EML6: variants seen among roughly 807,000 people sequenced by gnomAD.
EML6 encodes the protein echinoderm microtubule-associated protein-like 6.
A neutral mutation model predicts 240.1 loss-of-function variants in EML6; 154 were observed. The ratio of observed to expected loss-of-function variants is 0.64; its 90% CI spans 0.56 to 0.73. The LOEUF (loss-of-function observed/expected upper bound fraction) is 0.73. EML6 is among the 30% of genes least tolerant of loss of function. The pLI, the probability that EML6 is intolerant of heterozygous loss-of-function variation, is 0.00. For synonymous variants in EML6, 1,148 were observed against 899.0 expected (o/e 1.28, Z -4.95); for missense variants, 2,964 against 2,474.6 (o/e 1.20, Z -4.20).
chr2:54,847,506 A>G lies in EML6; in HGVS notation c.1070A>G (p.His357Arg), dbSNP rs960358777. Residue 357 changes from histidine to arginine, a missense_variant, in exon 9 of 42, where the codon CAT (histidine) becomes CGT (arginine). Transcript: ENST00000356458. ...CCTAGGCTGTGGAGCCTGGCTGATC[A>G]TGCCTTGATCGCCCGCTGTAACATG... ...RSVRLWSLAD[H>R]ALIARCNMEE... is the part of the protein sequence containing the mutation. 9.0e-6 allele frequency: 14 copies of G among 1,551,628 alleles called. No individual in the cohort carries two copies. The highest frequency in any genetic ancestry group is 6.9e-5 in the African/African-American group (5 of 72,984).
At chr2:54,879,442 ATATT>A (rs1671701801) in intron 16 of EML6, 101 bp from the exon 17 acceptor site, 1 of 737,946 alleles carries the variant, frequency 1.4e-6, no homozygotes. Context: ...ATCACCTCAA[ATATT>A]TATCAGTTCT....
intron 28 of EML6, among the ~76,000 whole-genome samples, chr2:54,931,302 G>A (rs892751283): frequency 6.6e-6 from 1 of 152,196 alleles, no homozygotes; most frequent in Non-Finnish European, 1.5e-5. Flanking sequence ...TGCCAGGCAA[G>A]GCAGGGCATT....
intron 2 of EML6, among the ~76,000 whole-genome samples, chr2:54,795,847 C>A (rs1669737661): frequency 6.6e-6 from 1 of 152,132 alleles, no homozygotes; most frequent in East Asian, 1.9e-4. Context: ...TATTAGGCAG[C>A]TACATCTTAA....
intron 17 of EML6, 83 bp downstream of exon 17, chr2:54,879,723 T>G (rs1671718025): frequency 4.7e-6 from 4 of 858,884 alleles, no homozygotes; most frequent in Non-Finnish European, 7.4e-6. Flanking sequence ...CTGGTAAGAT[T>G]TCATCTTCAA....
At position 54,816,900 on chromosome 2, in the gene EML6, G is replaced by T; in HGVS notation, c.456+15G>T. Reference sequence around the variant, plus strand: ...ATTCTGACAGGGTAAGAACTTGTTGGATCAAGCTATGCAGATTTCAGAACT... The same window carrying T: ...ATTCTGACAGGGTAAGAACTTGTTGTATCAAGCTATGCAGATTTCAGAACT... On this transcript the variant is annotated intron_variant, in intron 4 of 41. Coordinates refer to ENST00000356458, the MANE Select transcript of EML6 (RefSeq NM_001039753.4). The T allele has an allele frequency of 6.5e-7, 1 of 1,527,392 alleles. No homozygotes were observed. Among genetic ancestry groups the T allele is most frequent in the Non-Finnish European group, 8.9e-7 (1 of 1,124,900 alleles). The allele number at this position is 1,527,392 out of a possible 1,614,324, so 94.6% of individuals were successfully genotyped here.
intron 17 of EML6, chr2:54,881,306 C>G (rs1045384948): frequency 6.6e-5 from 10 of 152,012 alleles, no homozygotes; most frequent in African/African-American, 1.9e-4. Flanking sequence ...GAAATTTAGA[C>G]AAATAAATAA....
In EML6 at chr2:54,871,604, A is replaced by G. The variant is rs1465178847; in HGVS notation, c.2343A>G (p.Ser781=). ...HQRGVCALDF[S]ADGKCLVSVG... Reference sequence around the variant, plus strand: ...GAGGAGTGTGTGCACTTGATTTTTCAGGTAAGGTCCAGAGTGATTGACACA... The same window carrying G: ...GAGGAGTGTGTGCACTTGATTTTTCGGGTAAGGTCCAGAGTGATTGACACA... Residue 781 remains serine (S), a splice_region_variant and synonymous_variant, in exon 16 of 42, where the codon TCA becomes TCG. Transcript: ENST00000356458. The G allele has an allele frequency of 1.0e-5, 16 of 1,547,148 alleles. No individual in the cohort carries two copies. The highest frequency in any genetic ancestry group is 1.4e-5 in the Non-Finnish European group (16 of 1,142,892).
chr2:54,910,947 G>GTAACA lies in EML6; in HGVS notation c.3410-6_3410-2dup. On this transcript the variant is annotated splice_region_variant and splice_polypyrimidine_tract_variant and intron_variant, in intron 24 of 41. Coordinates refer to ENST00000356458, the MANE Select transcript of EML6 (RefSeq NM_001039753.4). ...AATTATCTCTCTACTTCGTTCTGTCGTAACAGGAAAATTATTGCAAGTGAA... is the reference window on the plus strand; with the variant it reads ...AATTATCTCTCTACTTCGTTCTGTCGTAACATAACAGGAAAATTATTGCAAGTGAA... 3 of 1,506,928 alleles carry GTAACA rather than the reference G, an allele frequency of 2.0e-6. No homozygotes were observed. The South Asian group carries it at 3.7e-5, about 19-fold the overall frequency. 93.3% of individuals were successfully genotyped at this position (1,506,928 alleles called of 1,614,324 possible).
rs538129266 is a variant in EML6, at chr2:54,870,806, C to T, written c.2239-694C>T. 9.8e-5 allele frequency among the ~76,000 whole-genome samples: 15 copies of T among 152,302 alleles called. No individual in the cohort carries two copies. The South Asian group carries it at 2.9e-3, about 29-fold the overall frequency. On this transcript the variant is annotated intron_variant, in intron 15 of 41. Transcript: ENST00000356458. ...CCACCTGCAGGAGACTGGGCCTCCA[C>T]AGACCTCTGTAGGAGTGGCCTGGAT...
chr2:54,814,552 C>T (rs1200638996), intron 3 of EML6, among the ~76,000 whole-genome samples: 1 of 152,198 alleles, frequency 6.6e-6, no homozygotes, highest in East Asian at 1.9e-4. Context: ...CTCTCTCACC[C>T]TGCGTGTTTC....
rs1434895451 is a variant in EML6 at position 54,971,649 on chromosome 2, T to C, written c.*1554T>C. On this transcript the variant is annotated 3_prime_UTR_variant, in exon 42 of 42. Transcript: ENST00000356458. ...CACTAATAGGTTGTTGGGCCCGCAG[T>C]AGAGTCCCTATGCAGTCCCAATTCT... is the stretch of plus-strand genomic sequence containing the variant. 2 of 152,246 alleles carry C rather than the reference T, an allele frequency of 1.3e-5. No individual in the cohort carries two copies. Among genetic ancestry groups the C allele is most frequent in the African/African-American group, 2.4e-5 (1 of 41,466 alleles). 9.4% of individuals were successfully genotyped at this position (152,246 alleles called of 1,614,324 possible).
chr2:54,889,655 T>C (rs1411274849), intron 17 of EML6, among the ~76,000 whole-genome samples: 3 of 152,160 alleles, frequency 2.0e-5, no homozygotes, highest in African/African-American at 7.2e-5. Flanking sequence ...TTTACTAAAA[T>C]GTCTTATTTG....
intron 2 of EML6, among the ~76,000 whole-genome samples, chr2:54,739,694 C>T (rs1252024089): frequency 6.6e-6 from 1 of 152,218 alleles, no homozygotes; most frequent in Non-Finnish European, 1.5e-5. Context: ...GTGTGAGAGC[C>T]TCAGGACATA....
chr2:54,958,637 T>C (rs1269167397), intron 33 of EML6, among the ~76,000 whole-genome samples: 1 of 152,196 alleles, frequency 6.6e-6, no homozygotes, highest in Non-Finnish European at 1.5e-5. Context: ...ATCCTTTTTC[T>C]TACCAGCCCT....
chr2:54,915,654 T>G (rs974271675), intron 25 of EML6, among the ~76,000 whole-genome samples: 2 of 152,166 alleles, frequency 1.3e-5, no homozygotes, highest in African/African-American at 4.8e-5. Flanking sequence ...GACTAACAAA[T>G]GTATAGCACC....
chr2:54,885,366 G>C (rs1473874761), intron 17 of EML6, among the ~76,000 whole-genome samples: 4 of 151,898 alleles, frequency 2.6e-5, no homozygotes, highest in Admixed American at 2.6e-4. Flanking sequence ...AGAATCACTT[G>C]AACCCGGGAG....
intron 2 of EML6, among the ~76,000 whole-genome samples, chr2:54,806,639 A>AG (rs1670505370): frequency 7.6e-6 from 1 of 131,888 alleles, no homozygotes; most frequent in Non-Finnish European, 1.6e-5. Flanking sequence ...AAAAAAAAAA[A>AG]AAAAAGAATG....
At chr2:54,833,906 C>G (rs1237420375) in intron 7 of EML6, among the ~76,000 whole-genome samples, 1 of 152,164 alleles carries the variant, frequency 6.6e-6, no homozygotes, top group Admixed American at 6.5e-5. Flanking sequence ...CAAAACTTGA[C>G]CTGATATGAG....
rs1460431038 is a variant in EML6, at chr2:54,869,246, T to C, written c.2117T>C (p.Ile706Thr). ...YTQAGEVVYH[I>T]AAVAVVYNRQ... ...CAAGCTGGAGAAGTAGTCTACCACA[T>C]TGCTGCAGTTGCTGTCGTGTATAAT... The change falls in exon 15 of 42, where the codon ATT becomes ACT. Residue 706 changes from isoleucine (I) to threonine (T), a missense_variant. Coordinates refer to ENST00000356458, the MANE Select transcript of EML6 (RefSeq NM_001039753.4). 1.9e-6 allele frequency: 3 copies of C among 1,551,528 alleles called. No homozygotes were observed. The highest frequency in any genetic ancestry group is 2.6e-6 in the Non-Finnish European group (3 of 1,146,752).
Sources: gnomAD v4.1 joint callset for allele counts (sites outside exome capture counted in the v4.1 genomes callset) on GRCh38, gnomAD v4.1.1 for gene constraint, MANE v1.5 for transcripts, NCBI Gene and HGNC (gene_info 2026-07-23, HGNC 2026-07-21) for gene names.